Variants in ZNF676 observed in about 807,000 individuals in gnomAD.
ZNF676 encodes the protein zinc finger protein 676.
ZNF676 carries 4 observed loss-of-function variants against 6.0 expected under a neutral mutation model. That is an observed-to-expected ratio of 0.67 (90% CI 0.33 to 1.53). The LOEUF is 1.53. ZNF676 is among the 40% of genes most tolerant of loss of function. The pLI, the probability that ZNF676 is intolerant of heterozygous loss-of-function variation, is 0.06. For missense variants in ZNF676, 644 were observed against 679.7 expected, an observed-to-expected ratio of 0.95 and a Z score of 0.58; for synonymous variants, 198 against 223.1, an observed-to-expected ratio of 0.89 and a Z score of 1.00.
chr19:22,249,990 C>T, the ZNF676 span, among the ~76,000 whole-genome samples: 1 of 151,784 alleles, frequency 6.6e-6, no homozygotes, highest in Non-Finnish European at 1.5e-5. Flanking sequence ...TGGGACCAGC[C>T]TGACTAACAT....
At chr19:22,194,644 AC>A (rs2023948235) in intron 1 of ZNF676, among the ~76,000 whole-genome samples, 1 of 152,174 alleles carries the variant, frequency 6.6e-6, no homozygotes, top group Non-Finnish European at 1.5e-5. Context: ...CCTCGCTGTA[AC>A]AAAGGGAATC....
chr19:22,243,226 G>A, the ZNF676 span: 3 of 151,950 alleles, frequency 2.0e-5, no homozygotes, highest in African/African-American at 2.4e-5. Context: ...CTAGGCAGGA[G>A]ACTCAGTCAC....
At chr19:22,240,979 T>A in the ZNF676 span, among the ~76,000 whole-genome samples, 1 of 151,912 alleles carries the variant, frequency 6.6e-6, no homozygotes, top group Non-Finnish European at 1.5e-5. Context: ...TGTTGGACAG[T>A]GCAATATGTC....
At chr19:22,237,229 G>A in the ZNF676 span, among the ~76,000 whole-genome samples, 7,693 of 152,086 alleles carry the variant, frequency 0.051, 648 homozygotes, top group African/African-American at 0.18. Context: ...TCACTCACAG[G>A]GGGGCCATCT....
At chr19:22,241,004 GGT>G in the ZNF676 span, among the ~76,000 whole-genome samples, 6 of 151,920 alleles carry the variant, frequency 3.9e-5, no homozygotes, top group African/African-American at 1.5e-4. Context: ...TAGCCAATGT[GGT>G]CAGGGCACAG....
In ZNF676 at chr19:22,179,879, C is replaced by T. The variant is rs775218690; in HGVS notation, c.*71G>A. On this transcript the variant is annotated 3_prime_UTR_variant, in exon 3 of 3. Transcript: ENST00000397121. ...CATTCTTCACCTTTGTAGATTTTCT[C>T]TCCAGTATGAATTTTCTTATGTTTA... The T allele has an allele frequency of 2.0e-6, 3 of 1,511,666 alleles. No individual in the cohort carries two copies. The highest frequency in any genetic ancestry group is 2.7e-6 in the Non-Finnish European group (3 of 1,096,244). The allele number at this position is 1,511,666 out of a possible 1,614,324, so 93.6% of individuals were successfully genotyped here.
At chr19:22,207,984 A>T (rs1298852524) in intron 1 of ZNF676, among the ~76,000 whole-genome samples, 1 of 54,068 alleles carries the variant, frequency 1.8e-5, no homozygotes, top group East Asian at 5.0e-4. Context: ...TAAAAATTAT[A>T]AAAAAAAAAA....
the ZNF676 span, among the ~76,000 whole-genome samples, chr19:22,234,576 G>A: frequency 6.6e-6 from 1 of 152,150 alleles, no homozygotes; most frequent in Admixed American, 6.6e-5. Context: ...CCCAGTAACA[G>A]GCCAAGAGTT....
At chr19:22,218,929 G>GTTGTT (rs201613998), upstream of ZNF676, among the ~76,000 whole-genome samples, 34,881 of 148,474 alleles carry the variant, frequency 0.23, 4,818 homozygotes, top group East Asian at 0.46. Flanking sequence ...TTTTGATTTT[G>GTTGTT]TTGTTTTGTT....
At chr19:22,238,204 G>T in the ZNF676 span, among the ~76,000 whole-genome samples, 995 of 152,220 alleles carry the variant, frequency 6.5e-3, 7 homozygotes, top group African/African-American at 0.022. Context: ...GGCACTCATC[G>T]ACACACCCGG....
the ZNF676 span, among the ~76,000 whole-genome samples, chr19:22,243,068 T>C: frequency 2.4e-4 from 36 of 151,826 alleles, no homozygotes; most frequent in South Asian, 4.1e-4. Context: ...ATGGGCATGA[T>C]CCAGGCAGAA....
At chr19:22,242,010 C>T in the ZNF676 span, among the ~76,000 whole-genome samples, 1 of 151,866 alleles carries the variant, frequency 6.6e-6, no homozygotes, top group African/African-American at 2.4e-5. Flanking sequence ...TCTGTATCAC[C>T]TGAGGGCTTT....
chr19:22,187,729 A>C (rs2023857551), intron 2 of ZNF676, among the ~76,000 whole-genome samples: 1 of 152,170 alleles, frequency 6.6e-6, no homozygotes, highest in South Asian at 2.1e-4. Flanking sequence ...CCATGAGAGA[A>C]TACTATAAAC....
At chr19:22,197,890 C>A (rs1432594991), upstream of ZNF676, among the ~76,000 whole-genome samples, 1 of 152,062 alleles carries the variant, frequency 6.6e-6, no homozygotes, top group African/African-American at 2.4e-5. Context: ...GATATTGCCC[C>A]CCCTCTGAAA....
the ZNF676 span, among the ~76,000 whole-genome samples, chr19:22,229,533 A>C: frequency 2.0e-5 from 3 of 152,254 alleles, no homozygotes; most frequent in African/African-American, 7.2e-5. Context: ...GCTTCTGCAC[A>C]GCAAAAGAAA....
At chr19:22,219,399 C>T (rs1054514628), upstream of ZNF676, among the ~76,000 whole-genome samples, 1 of 151,764 alleles carries the variant, frequency 6.6e-6, no homozygotes, top group African/African-American at 2.4e-5. Context: ...GCATCCAGCC[C>T]TAAAAGCTTT....
At chr19:22,197,449 G>A (rs937148538), upstream of ZNF676, among the ~76,000 whole-genome samples, 1 of 149,214 alleles carries the variant, frequency 6.7e-6, no homozygotes. Context: ...CAATAAGCTA[G>A]AGATCCTGTT....
intron 1 of ZNF676, among the ~76,000 whole-genome samples, chr19:22,209,556 C>G (rs1222814651): frequency 6.6e-6 from 1 of 152,108 alleles, no homozygotes; most frequent in Non-Finnish European, 1.5e-5. Context: ...ATGATTAGTA[C>G]TGCAGTGACA....
chr19:22,218,580 G>C (rs1334655066), upstream of ZNF676, among the ~76,000 whole-genome samples: 2 of 150,034 alleles, frequency 1.3e-5, no homozygotes, highest in African/African-American at 4.9e-5. Context: ...TCCTGACCTC[G>C]TGATCCACCC....
Sources: allele counts gnomAD v4.1 joint callset (sites outside exome capture counted in the v4.1 genomes callset), GRCh38; gene constraint gnomAD v4.1.1; transcripts MANE v1.5; gene names NCBI Gene and HGNC (gene_info 2026-07-23, HGNC 2026-07-21).